HDAC9: variants seen among roughly 807,000 people sequenced by gnomAD.
The protein encoded by HDAC9 is histone deacetylase 9, also known as MEF-2 interacting transcription repressor (MITR) protein.
HDAC9 carries 41 observed loss-of-function variants against 139.4 expected under a neutral mutation model. The observed-to-expected ratio is 0.29, with a 90% CI of 0.23 to 0.38. The LOEUF (loss-of-function observed/expected upper bound fraction) is 0.38, where lower values mean the gene tolerates loss of function less well. Ranked by LOEUF, HDAC9 falls within the 10% of genes least tolerant of loss-of-function variation. The probability of loss-of-function intolerance (pLI) is 1.00; values close to 1 mark genes in which losing one functional copy is unlikely to be tolerated. For missense variants in HDAC9, 1,147 were observed against 1,297.0 expected, an observed-to-expected ratio of 0.88 and a Z score of 1.78; for synonymous variants, 517 against 476.2, an observed-to-expected ratio of 1.09 and a Z score of -1.12.
At chr7:18,842,548 A>G (rs1023955112) in intron 21 of HDAC9, among the ~76,000 whole-genome samples, 69 of 152,086 alleles carry the variant, frequency 4.5e-4, no homozygotes, top group Middle Eastern at 3.4e-3. Context: ...TCCATTCTCT[A>G]TTTTCCGTAT....
chr7:18,353,032 C>G (rs1346438236), intron 1 of HDAC9, among the ~76,000 whole-genome samples: 1 of 152,102 alleles, frequency 6.6e-6, no homozygotes, highest in Non-Finnish European at 1.5e-5. Flanking sequence ...TTTGTCATAG[C>G]ATCTAAGGTT....
chr7:18,189,328 T>C (rs555695553), intron 2 of HDAC9, among the ~76,000 whole-genome samples: 38 of 134,702 alleles, frequency 2.8e-4, no homozygotes, highest in African/African-American at 1.0e-3. Flanking sequence ...AACAACACAC[T>C]CCAGGGCCTG....
At chr7:18,451,626 G>C (rs1792874374) in intron 1 of HDAC9, among the ~76,000 whole-genome samples, 1 of 151,792 alleles carries the variant, frequency 6.6e-6, no homozygotes, top group Admixed American at 6.6e-5. Context: ...GATTTATGTG[G>C]ATATAGAGGT....
intron 1 of HDAC9, among the ~76,000 whole-genome samples, chr7:18,385,416 A>G (rs1253247325): frequency 5.3e-5 from 8 of 152,190 alleles, no homozygotes; most frequent in Admixed American, 5.2e-4. Context: ...GAATGTAGCC[A>G]GTTTTCAATT....
At chr7:18,390,141 C>G (rs776790928) in intron 1 of HDAC9, among the ~76,000 whole-genome samples, 6 of 149,688 alleles carry the variant, frequency 4.0e-5, no homozygotes, top group Admixed American at 2.0e-4. Flanking sequence ...GGGGTGAGAA[C>G]TGAACATTTA....
intron 22 of HDAC9, among the ~76,000 whole-genome samples, chr7:18,903,671 C>T (rs1392155814): frequency 6.6e-6 from 1 of 152,194 alleles, no homozygotes; most frequent in African/African-American, 2.4e-5. Flanking sequence ...ATTTACTCCT[C>T]ACTATCTTTC....
intron 2 of HDAC9, among the ~76,000 whole-genome samples, chr7:18,556,604 AATC>A (rs1818898991): frequency 1.4e-5 from 2 of 146,660 alleles, no homozygotes; most frequent in African/African-American, 5.5e-5. Flanking sequence ...TTTCTGTCTC[AATC>A]CAGTGTTGAA....
At chr7:18,869,098 G>C (rs1184753393) in intron 21 of HDAC9, among the ~76,000 whole-genome samples, 2 of 151,874 alleles carry the variant, frequency 1.3e-5, no homozygotes, top group South Asian at 4.2e-4. Context: ...CCCAAAGAGG[G>C]GGGCATGGGA....
chr7:18,183,753 GT>G (rs1789688253), intron 2 of HDAC9, among the ~76,000 whole-genome samples: 1 of 152,088 alleles, frequency 6.6e-6, no homozygotes, highest in African/African-American at 2.4e-5. Context: ...CCAAAGTGTT[GT>G]GATTACAGAC....
chr7:18,555,997 A>G (rs900412840), intron 2 of HDAC9, among the ~76,000 whole-genome samples: 4 of 151,948 alleles, frequency 2.6e-5, no homozygotes, highest in African/African-American at 9.7e-5. Flanking sequence ...AAATCTTGGG[A>G]TTTTCTTTTT....
At chr7:18,263,261 A>T (rs946596595) in intron 2 of HDAC9, among the ~76,000 whole-genome samples, 1 of 152,212 alleles carries the variant, frequency 6.6e-6, no homozygotes, top group Non-Finnish European at 1.5e-5. Context: ...TTTTTTAAAT[A>T]ATAAAACCGC....
intron 1 of HDAC9, among the ~76,000 whole-genome samples, chr7:18,133,267 A>G (rs564534849): frequency 1.1e-4 from 17 of 152,326 alleles, no homozygotes; most frequent in Admixed American, 1.0e-3. Flanking sequence ...CACAAAAAAT[A>G]ATTATAGTCT....
intron 21 of HDAC9, 149 bp downstream of exon 21, chr7:18,836,146 A>G: frequency 3.8e-6 from 2 of 524,652 alleles, no homozygotes; most frequent in Non-Finnish European, 6.6e-6. Context: ...GAAAAGATCT[A>G]TCAAGACCTG....
At chr7:18,360,386 T>G (rs1783681339) in intron 1 of HDAC9, among the ~76,000 whole-genome samples, 1 of 152,188 alleles carries the variant, frequency 6.6e-6, no homozygotes, top group Non-Finnish European at 1.5e-5. Flanking sequence ...TATCTTCTCC[T>G]TATTTTATTT....
intron 1 of HDAC9, among the ~76,000 whole-genome samples, chr7:18,364,968 G>A (rs1054260861): frequency 6.6e-6 from 1 of 152,118 alleles, no homozygotes; most frequent in Non-Finnish European, 1.5e-5. Flanking sequence ...AGGTGGAGCT[G>A]AAGTGTCACA....
At chr7:18,271,692 C>T (rs999394943) in intron 2 of HDAC9, among the ~76,000 whole-genome samples, 4 of 152,174 alleles carry the variant, frequency 2.6e-5, no homozygotes, top group Non-Finnish European at 5.9e-5. Flanking sequence ...TTTCGTGATG[C>T]CTTCTTCCTT....
chr7:18,748,372 C>T (rs28436911), intron 13 of HDAC9, among the ~76,000 whole-genome samples: 5,151 of 152,190 alleles, frequency 0.034, 295 homozygotes, highest in African/African-American at 0.12. Flanking sequence ...TTAAAAGAAA[C>T]ACTTTAAATG....
chr7:18,701,312 T>C (rs1421401013), intron 12 of HDAC9, among the ~76,000 whole-genome samples: 2 of 151,628 alleles, frequency 1.3e-5, no homozygotes, highest in African/African-American at 4.9e-5. Flanking sequence ...ATGCATGTTT[T>C]ACAAACTGTA....
chr7:18,555,774 A>T (rs1290722732), intron 2 of HDAC9, among the ~76,000 whole-genome samples: 1 of 152,126 alleles, frequency 6.6e-6, no homozygotes, highest in East Asian at 1.9e-4. Flanking sequence ...AAAATAATTT[A>T]AATGTTCATT....
Sources: gnomAD v4.1 joint callset for allele counts (sites outside exome capture counted in the v4.1 genomes callset) on GRCh38, gnomAD v4.1.1 for gene constraint, MANE v1.5 for transcripts, NCBI Gene and HGNC (gene_info 2026-07-23, HGNC 2026-07-21) for gene names.